Variants in PACRGL observed in about 807,000 individuals in gnomAD.
PACRGL encodes parkin coregulated like.
Under a neutral mutation model 34.5 loss-of-function variants are expected in PACRGL, and 38 were observed. That is an observed-to-expected ratio of 1.10 (90% CI 0.85 to 1.44). The LOEUF (loss-of-function observed/expected upper bound fraction) is 1.44, where lower values mean the gene tolerates loss of function less well. PACRGL is among the 40% of genes most tolerant of loss of function. PACRGL has a pLI of 0.00. For synonymous variants in PACRGL, 128 were observed against 100.1 expected (o/e 1.28, Z -1.66); for missense variants, 305 against 281.4 (o/e 1.08, Z -0.60).
At chr4:20,724,000 A>C (rs1377450285) in intron 7 of PACRGL, among the ~76,000 whole-genome samples, 1 of 152,108 alleles carries the variant, frequency 6.6e-6, no homozygotes, top group Non-Finnish European at 1.5e-5. Flanking sequence ...GGGTTTATAG[A>C]CTTCTACATT....
chr4:20,729,821 C>T lies in PACRGL; in HGVS notation c.*2480C>T. The T allele has an allele frequency of 2.8e-6, 1 of 351,404 alleles. No homozygotes were observed. Among genetic ancestry groups the T allele is most frequent in the Non-Finnish European group, 5.1e-6 (1 of 195,700 alleles). 21.8% of individuals were successfully genotyped at this position (351,404 alleles called of 1,614,324 possible). On this transcript the variant is annotated 3_prime_UTR_variant, in exon 9 of 9. Transcript: ENST00000503585. ...CTAAGGAACCAATAAAACTATATGC[C>T]AGATTCTATTACTTTTGAATATTCA...
the PACRGL span, chr4:20,758,917 T>C: frequency 8.6e-5 from 137 of 1,593,338 alleles, no homozygotes; most frequent in East Asian, 3.0e-3. Flanking sequence ...AGAAGCAATA[T>C]GAGCAAAGTG....
intron 8 of PACRGL, among the ~76,000 whole-genome samples, chr4:20,738,828 C>T (rs2149292372): frequency 6.6e-6 from 1 of 152,256 alleles, no homozygotes; most frequent in Non-Finnish European, 1.5e-5. Flanking sequence ...TTGGGGAATT[C>T]CCTTTCCTAG....
the PACRGL span, chr4:20,758,990 C>A: frequency 4.9e-6 from 4 of 817,530 alleles, no homozygotes; most frequent in Non-Finnish European, 6.1e-6. Context: ...CAAAGCTGCA[C>A]CAAGAAAATT....
At chr4:20,710,597 CATGGCAGTGCCTTTT>C (rs1485047752) in intron 5 of PACRGL, among the ~76,000 whole-genome samples, 1 of 152,088 alleles carries the variant, frequency 6.6e-6, no homozygotes, top group Non-Finnish European at 1.5e-5. Context: ...ACTCTATAAA[CATGGCAGTGCCTTTT>C]TAGGTTAATA....
Position 20,731,410 on chromosome 4 carries a change from A to G in PACRGL, c.*4069A>G. On this transcript the variant is annotated 3_prime_UTR_variant, in exon 9 of 9. Coordinates refer to ENST00000503585, the MANE Select transcript of PACRGL (RefSeq NM_001258345.3). ...TAACTGTGGTTCTGCCCACACATCAAGTCAAATAATTCTAAGTAAGCTAAC... is the reference window on the plus strand; with the variant it reads ...TAACTGTGGTTCTGCCCACACATCAGGTCAAATAATTCTAAGTAAGCTAAC... The G allele has an allele frequency of 1.0e-6, 1 of 985,306 alleles. No individual in the cohort carries two copies. The highest frequency in any genetic ancestry group is 1.2e-6 in the Non-Finnish European group (1 of 829,872). 61.0% of individuals were successfully genotyped at this position (985,306 alleles called of 1,614,324 possible).
At chr4:20,741,959 A>G (rs978314430) in intron 8 of PACRGL, among the ~76,000 whole-genome samples, 1 of 152,252 alleles carries the variant, frequency 6.6e-6, no homozygotes, top group Non-Finnish European at 1.5e-5. Flanking sequence ...CGAATAAACT[A>G]GAAAATCTAG....
In PACRGL at chr4:20,729,749, T is replaced by G. The variant is rs1747448562; in HGVS notation, c.*2408T>G. ...CATACAAATGAGTAGCAAAAAACAC[T>G]GATATTTTAAAATCACTGATATGTG... On this transcript the variant is annotated 3_prime_UTR_variant, in exon 9 of 9. Transcript: ENST00000503585. 2 of 209,654 alleles carry G rather than the reference T, an allele frequency of 9.5e-6. No homozygotes were observed. Among genetic ancestry groups the G allele is most frequent in the African/African-American group, 2.3e-5 (1 of 43,784 alleles). The allele number at this position is 209,654 out of a possible 1,614,324, so 13.0% of individuals were successfully genotyped here. A position where few individuals can be genotyped will look rare whatever the true frequency, so the allele number is the denominator to read the frequency against.
rs374678401 is a variant in PACRGL at position 20,704,439 on chromosome 4, A to G, written c.-16-27A>G. 30 of 1,598,854 alleles carry G rather than the reference A, an allele frequency of 1.9e-5. No homozygotes were observed. The African/African-American group carries it at 1.9e-4, about 10-fold the overall frequency. On this transcript the variant is annotated intron_variant, in intron 1 of 8. Coordinates refer to ENST00000503585, the MANE Select transcript of PACRGL (RefSeq NM_001258345.3). ...AATGCCCCTCCAAACAAATTTTGAA[A>G]TCAACTTTTTTTTTTTTAAACTGCA...
At chr4:20,762,934 G>A in the PACRGL span, among the ~76,000 whole-genome samples, 3 of 130,558 alleles carry the variant, frequency 2.3e-5, no homozygotes, top group Non-Finnish European at 4.7e-5. Flanking sequence ...GAGAAGGAAG[G>A]CACCTTCTTC....
Position 20,722,016 on chromosome 4 carries a change from C to T in PACRGL, c.610-2792C>T, listed in dbSNP as rs574328941. ...CTGCTTTGTTTACCTGCTGAAACCT[C>T]AGCAATGGCGGGCGCCCCTCTCCCA... is the stretch of plus-strand genomic sequence containing the variant. On this transcript the variant is annotated intron_variant, in intron 7 of 8. Coordinates refer to ENST00000503585, the MANE Select transcript of PACRGL (RefSeq NM_001258345.3). Among the ~76,000 whole-genome samples, 3 of 152,372 alleles carry T rather than the reference C, an allele frequency of 2.0e-5. No homozygotes were observed. The East Asian group carries it at 5.8e-4, about 29-fold the overall frequency.
chr4:20,732,859 T>C, downstream of PACRGL: 1 of 891,064 alleles, frequency 1.1e-6, no homozygotes, highest in Non-Finnish European at 1.8e-6. Flanking sequence ...TCTGACAGAT[T>C]TTTCCTACTC....
downstream of PACRGL, among the ~76,000 whole-genome samples, chr4:20,756,285 T>C (rs1754435070): frequency 6.6e-6 from 1 of 152,276 alleles, no homozygotes; most frequent in Non-Finnish European, 1.5e-5. Context: ...AAGGAAGTAC[T>C]AGATGGTTCC....
downstream of PACRGL, among the ~76,000 whole-genome samples, chr4:20,755,419 A>G (rs1422640699): frequency 6.6e-6 from 1 of 152,228 alleles, no homozygotes; most frequent in African/African-American, 2.4e-5. Flanking sequence ...TCCACTGTAC[A>G]GTGATAGCCA....
At chr4:20,706,129 C>T (rs1734378504) in intron 3 of PACRGL, among the ~76,000 whole-genome samples, 1 of 151,656 alleles carries the variant, frequency 6.6e-6, no homozygotes, top group East Asian at 1.9e-4. Flanking sequence ...TCACTTTAGA[C>T]TTGGTAAAAT....
chr4:20,716,736 A>T (rs1324506404), intron 7 of PACRGL, among the ~76,000 whole-genome samples: 1 of 152,068 alleles, frequency 6.6e-6, no homozygotes, highest in Non-Finnish European at 1.5e-5. Flanking sequence ...TCTATCATTG[A>T]TGGACATTTG....
At position 20,730,017 on chromosome 4, in the gene PACRGL, C is replaced by A. The variant is rs373571715; in HGVS notation, c.*2676C>A. The A allele has an allele frequency of 6.5e-7, 1 of 1,537,772 alleles. No individual in the cohort carries two copies. The highest frequency in any genetic ancestry group is 8.7e-7 in the Non-Finnish European group (1 of 1,143,572). On this transcript the variant is annotated 3_prime_UTR_variant, in exon 9 of 9. Coordinates refer to ENST00000503585, the MANE Select transcript of PACRGL (RefSeq NM_001258345.3). ...GAGCAATCTATGCTAAAAGTGGTAG[C>A]TCCAACTTTAAGGGTGGTAGAATAG...
intron 7 of PACRGL, among the ~76,000 whole-genome samples, chr4:20,722,719 A>G (rs1038203503): frequency 6.6e-6 from 1 of 152,056 alleles, no homozygotes; most frequent in Non-Finnish European, 1.5e-5. Context: ...GTCACCCGAA[A>G]CTCCCATGTT....
chr4:20,766,771 C>T, the PACRGL span: 4 of 152,120 alleles, frequency 2.6e-5, no homozygotes, highest in African/African-American at 9.7e-5. Context: ...CGTGTCCATA[C>T]AATAGCTGGT....
Sources: allele counts gnomAD v4.1 joint callset (sites outside exome capture counted in the v4.1 genomes callset), GRCh38; gene constraint gnomAD v4.1.1; transcripts MANE v1.5; gene names NCBI Gene and HGNC (gene_info 2026-07-23, HGNC 2026-07-21).